DNAH8: variants seen among roughly 807,000 people sequenced by gnomAD.
DNAH8 encodes dynein axonemal heavy chain 8.
Under a neutral mutation model 562.1 loss-of-function variants are expected in DNAH8, and 382 were observed. The ratio of observed to expected loss-of-function variants is 0.68; its 90% CI spans 0.63 to 0.74. DNAH8 has a LOEUF of 0.74. Ranked by LOEUF, DNAH8 falls within the 30% of genes least tolerant of loss-of-function variation. The pLI, the probability that DNAH8 is intolerant of heterozygous loss-of-function variation, is 0.00. For synonymous variants in DNAH8, 1,881 were observed against 1,919.4 expected (o/e 0.98, Z 0.52); for missense variants, 5,203 against 5,620.4 (o/e 0.93, Z 2.37).
At chr6:38,941,293 T>C (rs1783436512) in intron 79 of DNAH8, among the ~76,000 whole-genome samples, 1 of 152,232 alleles carries the variant, frequency 6.6e-6, no homozygotes, top group African/African-American at 2.4e-5. Flanking sequence ...CTCTGCAGCC[T>C]ATTTATAATA....
At chr6:38,729,203 AAAACAAACAAACAAACAAAC>A (rs79234857) in intron 3 of DNAH8, among the ~76,000 whole-genome samples, 6 of 150,220 alleles carry the variant, frequency 4.0e-5, no homozygotes, top group Non-Finnish European at 4.4e-5. Context: ...ACTCCGTCTC[AAAACAAACAAACAAACAAAC>A]AAACAAACAA....
At chr6:38,723,737 A>G (rs1762968746) in intron 3 of DNAH8, among the ~76,000 whole-genome samples, 2 of 152,022 alleles carry the variant, frequency 1.3e-5, no homozygotes, top group South Asian at 2.1e-4. Context: ...TTAGCTGGGC[A>G]TGGTGGTCCG....
chr6:38,780,015 A>T lies in DNAH8; in HGVS notation c.2089A>T (p.Ile697Leu). Residue 697 changes from isoleucine to leucine, a missense_variant, in exon 15 of 93, where the codon ATA (isoleucine) becomes TTA (leucine). Ile to Leu is a conservative substitution (Grantham distance 5). Coordinates refer to ENST00000327475, the MANE Select transcript of DNAH8 (RefSeq NM_001206927.2). ...PCLGLEINHT[I>L]ERILQYYVAE... ...TCTGGGATTAGAAATAAACCACACA[A>T]TAGAGCGTATTCTTCAGTACTATGT... is the stretch of plus-strand genomic sequence containing the variant. 1 of 1,614,112 alleles carries T rather than the reference A, an allele frequency of 6.2e-7. No individual in the cohort carries two copies. Among genetic ancestry groups the T allele is most frequent in the East Asian group, 2.2e-5 (1 of 44,862 alleles).
intron 3 of DNAH8, among the ~76,000 whole-genome samples, chr6:38,725,304 T>TATAATTATAATA (rs1554193003): frequency 1.5e-5 from 2 of 135,386 alleles, no homozygotes; most frequent in Non-Finnish European, 3.1e-5. Context: ...CTCCAACTCA[T>TATAATTATAATA]ATAATAATAA....
intron 74 of DNAH8, among the ~76,000 whole-genome samples, chr6:38,926,533 A>G (rs1239790289): frequency 6.6e-6 from 1 of 152,168 alleles, no homozygotes; most frequent in Non-Finnish European, 1.5e-5. Context: ...CCCTCAGTTC[A>G]AGACCATTCA....
At chr6:38,955,029 G>A (rs979191212) in intron 82 of DNAH8, among the ~76,000 whole-genome samples, 3 of 152,124 alleles carry the variant, frequency 2.0e-5, no homozygotes, top group African/African-American at 4.8e-5. Flanking sequence ...GTGCAGTGGT[G>A]CAATCATGGC....
chr6:38,824,419 C>T (rs1008048140), intron 28 of DNAH8, among the ~76,000 whole-genome samples: 5 of 152,136 alleles, frequency 3.3e-5, no homozygotes, highest in Admixed American at 2.6e-4. Flanking sequence ...AAGAAAGGGC[C>T]TGGCACTGAT....
intron 59 of DNAH8, among the ~76,000 whole-genome samples, chr6:38,895,589 A>G (rs1779622535): frequency 6.6e-6 from 1 of 152,234 alleles, no homozygotes; most frequent in Middle Eastern, 3.2e-3. Context: ...TCTATAAATC[A>G]TAGATGATAA....
At chr6:38,731,634 C>T (rs930630963) in intron 4 of DNAH8, among the ~76,000 whole-genome samples, 2 of 152,166 alleles carry the variant, frequency 1.3e-5, no homozygotes, top group Non-Finnish European at 2.9e-5. Context: ...GCAAAGGGTA[C>T]ACATATTTTT....
chr6:38,955,756 C>T (rs948573004), intron 82 of DNAH8, among the ~76,000 whole-genome samples: 1 of 152,184 alleles, frequency 6.6e-6, no homozygotes, highest in African/African-American at 2.4e-5. Flanking sequence ...ACCACCACAT[C>T]AGGAATTCTG....
chr6:38,945,068 AG>A (rs1783756877), intron 79 of DNAH8, among the ~76,000 whole-genome samples: 2 of 152,096 alleles, frequency 1.3e-5, no homozygotes, highest in Non-Finnish European at 2.9e-5. Context: ...GGTAACAAGT[AG>A]TTTTTAATGG....
At position 38,826,183 on chromosome 6, in the gene DNAH8, A is replaced by G; in HGVS notation, c.3875A>G (p.Glu1292Gly). ...TEPMKLALSI[E>G]AKAWKMLLCR... ...CCGATGAAATTGGCCTTATCCATCGAGGCCAAGGCATGGAAGATGTTACTC... is the reference window on the plus strand; with the variant it reads ...CCGATGAAATTGGCCTTATCCATCGGGGCCAAGGCATGGAAGATGTTACTC... Residue 1292 changes from glutamate (E) to glycine (G), a missense_variant, in exon 29 of 93, where the codon GAG becomes GGG. Coordinates refer to ENST00000327475, the MANE Select transcript of DNAH8 (RefSeq NM_001206927.2). The G allele has an allele frequency of 6.2e-7, 1 of 1,608,748 alleles. No homozygotes were observed. Among genetic ancestry groups the G allele is most frequent in the Non-Finnish European group, 8.5e-7 (1 of 1,177,962 alleles).
rs542120247 is a variant in DNAH8 at position 38,809,523 on chromosome 6, A to G, written c.3257+1807A>G. On this transcript the variant is annotated intron_variant, in intron 24 of 92. Transcript: ENST00000327475. ...ACTTGTGAGGTCAGGTGGGGGAGTT[A>G]TTTAAGTTGCATTGTATCTATAGAT... Among the ~76,000 whole-genome samples, 18 of 152,300 alleles carry G rather than the reference A, an allele frequency of 1.2e-4. No homozygotes were observed. The South Asian group carries it at 3.7e-3, about 32-fold the overall frequency.
chr6:38,781,470 A>G (rs1768608181), intron 16 of DNAH8, 97 bp downstream of exon 16: 1 of 1,369,372 alleles, frequency 7.3e-7, no homozygotes. Flanking sequence ...AAAGTAGCCA[A>G]CAACGAGCCA....
chr6:38,953,683 T>C (rs1762066138), intron 82 of DNAH8, among the ~76,000 whole-genome samples: 1 of 152,168 alleles, frequency 6.6e-6, no homozygotes, highest in Non-Finnish European at 1.5e-5. Flanking sequence ...CTGCTTTGGG[T>C]TGAAAGTCCC....
Position 38,741,820 on chromosome 6 carries a change from A to T in DNAH8, c.1226A>T (p.Gln409Leu). Residue 409 changes from glutamine to leucine, a missense_variant, in exon 8 of 93, where the codon CAG becomes CTG. Gln to Leu is a moderately radical substitution (Grantham distance 113). Transcript: ENST00000327475. ...GCCAAGTTCAACTATATCATTGAGC[A>T]GATTAAAGGGCCAAGTTGTAAGGCT... ...MSAKFNYIIE[Q>L]IKGPSCKAVI... 2 of 1,614,126 alleles carry T rather than the reference A, an allele frequency of 1.2e-6. No individual in the cohort carries two copies. The highest frequency in any genetic ancestry group is 1.7e-6 in the Non-Finnish European group (2 of 1,179,984).
chr6:38,828,330 A>G (rs1448281025), intron 30 of DNAH8, 42 bp downstream of exon 30: 4 of 1,225,052 alleles, frequency 3.3e-6, no homozygotes, highest in Non-Finnish European at 4.6e-6. Flanking sequence ...TTAAGTCACT[A>G]TCTCCAGAAA....
chr6:38,717,201 G>C (rs912913036), intron 1 of DNAH8, among the ~76,000 whole-genome samples: 1 of 152,200 alleles, frequency 6.6e-6, no homozygotes, highest in Non-Finnish European at 1.5e-5. Context: ...AACAGAGCAA[G>C]TTGTCTGTGA....
At chr6:38,724,246 G>T (rs1450240342) in intron 3 of DNAH8, among the ~76,000 whole-genome samples, 3 of 152,078 alleles carry the variant, frequency 2.0e-5, no homozygotes, top group African/African-American at 2.4e-5. Context: ...CTCCCAAAGT[G>T]CTGGGATTAC....
Sources: allele counts gnomAD v4.1 joint callset (sites outside exome capture counted in the v4.1 genomes callset), GRCh38; gene constraint gnomAD v4.1.1; transcripts MANE v1.5; gene names NCBI Gene and HGNC (gene_info 2026-07-23, HGNC 2026-07-21).